LARGE1: variants seen among roughly 807,000 people sequenced by gnomAD.
LARGE1 encodes xylosyl- and glucuronyltransferase LARGE1.
LARGE1 carries 43 observed loss-of-function variants against 87.6 expected under a neutral mutation model. The observed-to-expected ratio is 0.49, with a 90% CI of 0.38 to 0.63. The LOEUF is 0.63. Ranked by LOEUF, LARGE1 falls within the 30% of genes least tolerant of loss-of-function variation. The pLI is 0.00. For synonymous variants in LARGE1, 434 were observed against 394.6 expected (o/e 1.10, Z -1.18); for missense variants, 802 against 1,000.2 (o/e 0.80, Z 2.67).
chr22:33,589,549 G>GT (rs1293915278), intron 5 of LARGE1, among the ~76,000 whole-genome samples: 1 of 151,614 alleles, frequency 6.6e-6, no homozygotes, highest in East Asian at 1.9e-4. Context: ...TTACTTTTCT[G>GT]TTTATTATTT....
At chr22:33,879,884 T>G (rs1216433318) in intron 1 of LARGE1, among the ~76,000 whole-genome samples, 1 of 152,230 alleles carries the variant, frequency 6.6e-6, no homozygotes, top group African/African-American at 2.4e-5. Context: ...TCAGTAAGCA[T>G]CTGCTGATTA....
intron 1 of LARGE1, among the ~76,000 whole-genome samples, chr22:33,914,530 A>T (rs1381878817): frequency 6.6e-6 from 1 of 152,228 alleles, no homozygotes; most frequent in Non-Finnish European, 1.5e-5. Flanking sequence ...ACATTTCAGA[A>T]CTAACGGGTT....
At chr22:33,191,102 A>G (rs554690964) in intron 11 of LARGE1, among the ~76,000 whole-genome samples, 1 of 152,342 alleles carries the variant, frequency 6.6e-6, no homozygotes, top group East Asian at 1.9e-4. Context: ...AGCATAGTTG[A>G]CAGTTTATGT....
At chr22:33,527,445 C>T (rs555510133) in intron 6 of LARGE1, among the ~76,000 whole-genome samples, 4 of 152,292 alleles carry the variant, frequency 2.6e-5, no homozygotes, top group African/African-American at 7.2e-5. Context: ...AGAGCCAAGG[C>T]GATCGGATTT....
chr22:33,452,064 T>C (rs543430803), intron 6 of LARGE1, among the ~76,000 whole-genome samples: 14 of 152,342 alleles, frequency 9.2e-5, no homozygotes, highest in Middle Eastern at 3.4e-3. Context: ...TGTTTATTCA[T>C]CTACACATTT....
At chr22:33,264,889 CTTTTTTTTTTTTTTT>C (rs200074908) in intron 11 of LARGE1, among the ~76,000 whole-genome samples, 18 of 74,376 alleles carry the variant, frequency 2.4e-4, no homozygotes, top group African/African-American at 9.4e-4. Context: ...TGATCAAATT[CTTTTTTTTTTTTTTT>C]TTTTTTTTTG....
chr22:33,362,325 A>G (rs1283169941), intron 9 of LARGE1, among the ~76,000 whole-genome samples: 1 of 149,710 alleles, frequency 6.7e-6, no homozygotes, highest in Non-Finnish European at 1.5e-5. Context: ...AATTTTCTCA[A>G]TAATGTAACT....
At chr22:33,916,273 T>G (rs1385076661) in intron 1 of LARGE1, among the ~76,000 whole-genome samples, 1 of 150,580 alleles carries the variant, frequency 6.6e-6, no homozygotes, top group Non-Finnish European at 1.5e-5. Flanking sequence ...AGAGCAAGAC[T>G]CCATCTCAAA....
exon 12 of LARGE1, chr22:33,163,507 GCT>G (rs1247282013): frequency 6.6e-6 from 1 of 152,152 alleles, no homozygotes; most frequent in African/African-American, 2.4e-5. Flanking sequence ...CACTTAACAG[GCT>G]CTCTTTCCAC....
rs958730572 is a variant in LARGE1 at position 33,687,153 on chromosome 22, C to CTT, written c.107-36487_107-36486dup. On this transcript the variant is annotated intron_variant, in intron 2 of 14. Transcript: ENST00000397394. ...CCTGCTCCAAGATGACCACCTCTTC[C>CTT]TTTTTTTTTTTTTTTTTGTTTGGTA... 1.4e-4 allele frequency among the ~76,000 whole-genome samples: 19 copies of CTT among 139,372 alleles called. 1 individual carries two copies. In the South Asian group the frequency reaches 3.3e-3, roughly 24 times the overall value. The allele number at this position is 139,372 out of a possible 152,430, so 91.4% of individuals were successfully genotyped here.
rs1175729595 is a variant in LARGE1 at position 33,274,104 on chromosome 22, A to G, written c.*323T>C. The G allele has an allele frequency of 8.1e-6, 4 of 494,268 alleles. No individual in the cohort carries two copies. The Admixed American group carries it at 1.3e-4, about 16-fold the overall frequency. 30.6% of individuals were successfully genotyped at this position (494,268 alleles called of 1,614,324 possible). A position where few individuals can be genotyped will look rare whatever the true frequency, so the allele number is the denominator to read the frequency against. On this transcript the variant is annotated 3_prime_UTR_variant, in exon 15 of 15. Transcript: ENST00000397394. ...TATTAAAAAGCATCCAGAACATCCT[A>G]AAGCCCTGCCCTGATCTTGTGGCTT...
In LARGE1 at chr22:33,428,318, C is replaced by CTT. The variant is rs34881147; in HGVS notation, c.892+3841_892+3842dup. Among the ~76,000 whole-genome samples the CTT allele has an allele frequency of 1.0e-3, 138 of 132,948 alleles. 3 individuals carry two copies. Among genetic ancestry groups the CTT allele is most frequent in the African/African-American group, 3.7e-3 (134 of 36,238 alleles). 87.2% of individuals were successfully genotyped at this position (132,948 alleles called of 152,430 possible). A position where few individuals can be genotyped will look rare whatever the true frequency, so the allele number is the denominator to read the frequency against. ...TCCTCACATACTAGGTTTGTTATGT[C>CTT]TTTTTTTTTTTTTTTTGAGACAGAG... is the stretch of plus-strand genomic sequence containing the variant. On this transcript the variant is annotated intron_variant, in intron 7 of 14. Transcript: ENST00000397394.
At chr22:33,503,339 C>T (rs2070594759) in intron 6 of LARGE1, among the ~76,000 whole-genome samples, 1 of 150,300 alleles carries the variant, frequency 6.7e-6, no homozygotes, top group Admixed American at 6.6e-5. Flanking sequence ...TCACTGCAAC[C>T]TCCGCCTTCC....
intron 6 of LARGE1, among the ~76,000 whole-genome samples, chr22:33,535,908 C>T (rs115463185): frequency 6.6e-6 from 1 of 152,208 alleles, no homozygotes; most frequent in Admixed American, 6.5e-5. Flanking sequence ...TTGTGAACTA[C>T]GCCTTCTTTT....
intron 2 of LARGE1, among the ~76,000 whole-genome samples, chr22:33,759,957 G>A (rs1233504915): frequency 1.3e-5 from 2 of 152,116 alleles, no homozygotes; most frequent in Non-Finnish European, 2.9e-5. Context: ...ACTTGGCCTC[G>A]GCACTGGGCT....
the LARGE1 span, among the ~76,000 whole-genome samples, chr22:33,118,754 T>C: frequency 2.0e-5 from 3 of 152,188 alleles, no homozygotes; most frequent in Non-Finnish European, 4.4e-5. Context: ...GTAGTGCAGG[T>C]ACTCAATACC....
intron 9 of LARGE1, among the ~76,000 whole-genome samples, chr22:33,369,718 A>T (rs1436205712): frequency 6.6e-6 from 1 of 152,048 alleles, no homozygotes; most frequent in African/African-American, 2.4e-5. Flanking sequence ...ACAGGTGCAC[A>T]TCACCACACC....
At chr22:33,576,157 T>G (rs2078346251) in intron 5 of LARGE1, among the ~76,000 whole-genome samples, 1 of 152,210 alleles carries the variant, frequency 6.6e-6, no homozygotes, top group Non-Finnish European at 1.5e-5. Flanking sequence ...CAGTATGTAT[T>G]TATGTATGTA....
chr22:33,294,704 C>A (rs752128679), intron 12 of LARGE1, among the ~76,000 whole-genome samples: 12 of 152,134 alleles, frequency 7.9e-5, no homozygotes, highest in Non-Finnish European at 1.5e-4. Context: ...GCTGCCTGTG[C>A]ATGTACCTCT....
Sources: gnomAD v4.1 joint callset for allele counts (sites outside exome capture counted in the v4.1 genomes callset) on GRCh38, gnomAD v4.1.1 for gene constraint, MANE v1.5 for transcripts, NCBI Gene and HGNC (gene_info 2026-07-23, HGNC 2026-07-21) for gene names.